Variants in SHOX observed in about 807,000 individuals in gnomAD.
SHOX encodes the protein SHOX homeobox, also known as short stature homeobox protein.
A neutral mutation model predicts 29.6 loss-of-function variants in SHOX; 12 were observed. That is an observed-to-expected ratio of 0.41 (90% CI 0.26 to 0.66). The LOEUF is 0.66. SHOX is among the 30% of genes least tolerant of loss of function. SHOX has a pLI of 0.35. For missense variants in SHOX, 499 were observed against 437.7 expected (o/e 1.14, Z -1.25); for synonymous variants, 214 against 200.6 (o/e 1.07, Z -0.57).
At chrX:631,225 C>T (rs2052643226) in intron 1 of SHOX, 51 bp downstream of exon 1, 40 of 1,602,688 alleles carry the variant, frequency 2.5e-5, no homozygotes, top group Non-Finnish European at 3.4e-5. Context: ...GGGTTCGGCG[C>T]CTCCTCGCCA....
chrX:624,862 TTTTCTTTC>T (rs928739665), intron 1 of SHOX, among the ~76,000 whole-genome samples: 2,609 of 76,758 alleles, frequency 0.034, 58 homozygotes, highest in African/African-American at 0.053. Context: ...TCTTTCTTTC[TTTTCTTTC>T]TTTCTTTCTT....
upstream of SHOX, among the ~76,000 whole-genome samples, chrX:629,976 C>A (rs923069105): frequency 1.3e-5 from 2 of 152,192 alleles, no homozygotes; most frequent in Non-Finnish European, 1.5e-5. Flanking sequence ...AGGGTGACAG[C>A]GCGGCGCTAA....
upstream of SHOX, among the ~76,000 whole-genome samples, chrX:625,945 G>T (rs1229199440): frequency 3.0e-4 from 23 of 75,570 alleles, no homozygotes; most frequent in African/African-American, 1.1e-3. Flanking sequence ...CTTTCTCTCT[G>T]TCTTCGTTCC....
rs1421641973 is a variant in SHOX at position 644,630 on chromosome X, G to A, written c.873G>A (p.Gly291=). Reference sequence around the variant, plus strand: ...CGCGGAAGCACGCGGAGGCCCTGGGGCTCTGACCCGCCGCGCAGCCCCCCG... The same window carrying A: ...CGCGGAAGCACGCGGAGGCCCTGGGACTCTGACCCGCCGCGCAGCCCCCCG... ...LKARKHAEAL[G]L The change falls in exon 5 of 5, where the codon GGG becomes GGA. Residue 291 remains glycine, a synonymous_variant. Coordinates refer to ENST00000686671, the MANE Select transcript of SHOX (RefSeq NM_000451.4). 6.8e-7 allele frequency: 1 copy of A among 1,480,300 alleles called. No homozygotes were observed. 91.7% of individuals were successfully genotyped at this position (1,480,300 alleles called of 1,614,324 possible).
chrX:646,370 G>C lies in SHOX; in HGVS notation c.*1734G>C, dbSNP rs2052964621. 6.6e-6 allele frequency: 1 copy of C among 151,730 alleles called. No individual in the cohort carries two copies. Among genetic ancestry groups the C allele is most frequent in the Non-Finnish European group, 1.5e-5 (1 of 68,000 alleles). 9.4% of individuals were successfully genotyped at this position (151,730 alleles called of 1,614,324 possible). Reference sequence around the variant, plus strand: ...AGATCCATCTGCATGATTGGCATTAGTTACCACAGCCTGCCCAGAGAGAAA... The same window carrying C: ...AGATCCATCTGCATGATTGGCATTACTTACCACAGCCTGCCCAGAGAGAAA... On this transcript the variant is annotated 3_prime_UTR_variant, in exon 5 of 5. Coordinates refer to ENST00000686671, the MANE Select transcript of SHOX (RefSeq NM_000451.4).
upstream of SHOX, among the ~76,000 whole-genome samples, chrX:625,899 T>TA: frequency 7.8e-6 from 1 of 127,854 alleles, no homozygotes; most frequent in East Asian, 2.2e-4. Flanking sequence ...CTCTCTCTCT[T>TA]TCTCTGTCTC....
chrX:639,519 G>A (rs1449861088), intron 2 of SHOX, among the ~76,000 whole-genome samples: 1 of 152,226 alleles, frequency 6.6e-6, no homozygotes, highest in Non-Finnish European at 1.5e-5. Flanking sequence ...TCCGTTTGTG[G>A]CTAAAGTCTG....
rs28505100 is a variant in SHOX at position 646,806 on chromosome X, A to G, written c.*2170A>G. 0.56 allele frequency: 84,924 copies of G among 151,212 alleles called. 24,323 individuals are homozygous for G. Among genetic ancestry groups the G allele is most frequent in the Admixed American group, 0.64 (9,658 of 15,194 alleles). The allele number at this position is 151,212 out of a possible 1,614,324, so 9.4% of individuals were successfully genotyped here. A position where few individuals can be genotyped will look rare whatever the true frequency, so the allele number is the denominator to read the frequency against. The stretch of plus-strand genomic sequence containing the variant: ...TAAAAGCTGGAAATTAAAAAAAAAA[A>G]AGAGAGAGAGAGGCTTTAATAGTTA... On this transcript the variant is annotated 3_prime_UTR_variant, in exon 5 of 5. Transcript: ENST00000686671.
chrX:656,337 G>A (rs2053146309), downstream of SHOX, among the ~76,000 whole-genome samples: 1 of 152,100 alleles, frequency 6.6e-6, no homozygotes, highest in Non-Finnish European at 1.5e-5. Context: ...GGTACTCTGG[G>A]AGGCTGAGGC....
chrX:649,992 C>G lies in SHOX; in HGVS notation c.*5356C>G, dbSNP rs1350939591. The G allele has an allele frequency of 4.4e-6, 2 of 456,040 alleles. No homozygotes were observed. The highest frequency in any genetic ancestry group is 3.1e-5 in the South Asian group (2 of 64,558). 28.2% of individuals were successfully genotyped at this position (456,040 alleles called of 1,614,324 possible). ...GTATCGGATGTTGCTATTAGATTTTCTTTCTCCGTTCGAGTCTCTGACTGG... is the reference window on the plus strand; with the variant it reads ...GTATCGGATGTTGCTATTAGATTTTGTTTCTCCGTTCGAGTCTCTGACTGG... On this transcript the variant is annotated 3_prime_UTR_variant, in exon 5 of 5. Transcript: ENST00000686671.
downstream of SHOX, among the ~76,000 whole-genome samples, chrX:656,568 G>A (rs1267385738): frequency 6.6e-6 from 1 of 152,174 alleles, no homozygotes; most frequent in African/African-American, 2.4e-5. Context: ...TTAGTCAGCT[G>A]TGGTGGCTCA....
chrX:635,186 G>C (rs1226710239), intron 2 of SHOX, among the ~76,000 whole-genome samples: 1 of 151,978 alleles, frequency 6.6e-6, no homozygotes, highest in Non-Finnish European at 1.5e-5. Context: ...GACTGCCTTC[G>C]GTTCCCCTGG....
intron 2 of SHOX, among the ~76,000 whole-genome samples, chrX:636,237 C>T (rs28470768): frequency 0.32 from 45,413 of 142,986 alleles, 7,792 homozygotes; most frequent in African/African-American, 0.44. Context: ...ATATATAAAT[C>T]TATAAACATA....
chrX:632,140 G>A (rs953936458), intron 1 of SHOX, among the ~76,000 whole-genome samples: 1 of 152,266 alleles, frequency 6.6e-6, no homozygotes, highest in African/African-American at 2.4e-5. Flanking sequence ...GAGGTGGCCG[G>A]GATCTGGATG....
chrX:630,564 C>G, upstream of SHOX: 1 of 468,878 alleles, frequency 2.1e-6, no homozygotes, highest in Non-Finnish European at 3.9e-6. Flanking sequence ...CGCGCGCTCT[C>G]CCTTCCAAAA....
chrX:651,417 A>T lies in SHOX; in HGVS notation c.*6781A>T, dbSNP rs1412826942. 3 of 453,944 alleles carry T rather than the reference A, an allele frequency of 6.6e-6. No individual in the cohort carries two copies. Among genetic ancestry groups the T allele is most frequent in the Non-Finnish European group, 1.3e-5 (3 of 226,374 alleles). The allele number at this position is 453,944 out of a possible 1,614,324, so 28.1% of individuals were successfully genotyped here. On this transcript the variant is annotated 3_prime_UTR_variant, in exon 5 of 5. Coordinates refer to ENST00000686671, the MANE Select transcript of SHOX (RefSeq NM_000451.4). ...AAAAAACAAACAAACAAACAGAAAA[A>T]AAAACCAAAAAAAACCACCCTGAGT...
At chrX:625,576 A>C (rs1297991387) in intron 1 of SHOX, among the ~76,000 whole-genome samples, 3 of 134,452 alleles carry the variant, frequency 2.2e-5, no homozygotes, top group African/African-American at 8.6e-5. Context: ...ATCTCTGTCC[A>C]TCTCTGTCTC....
intron 1 of SHOX, 54 bp from the exon 2 acceptor site, chrX:634,564 A>G (rs1189549847): frequency 3.8e-6 from 6 of 1,593,552 alleles, no homozygotes; most frequent in African/African-American, 1.3e-5. Flanking sequence ...GGGGTTCGCC[A>G]CGTTGCGCAA....
At chrX:644,319 C>A in intron 4 of SHOX, 72 bp from the exon 5 acceptor site, 1 of 1,441,714 alleles carries the variant, frequency 6.9e-7, no homozygotes. Context: ...TGGAGGTTTC[C>A]GGGGGCGCGG....
Sources: gnomAD v4.1 joint callset for allele counts (sites outside exome capture counted in the v4.1 genomes callset) on GRCh38, gnomAD v4.1.1 for gene constraint, MANE v1.5 for transcripts, NCBI Gene and HGNC (gene_info 2026-07-23, HGNC 2026-07-21) for gene names.